Variants in VPS28 observed in about 807,000 individuals in gnomAD.
VPS28 encodes the protein vacuolar protein sorting-associated protein 28 homolog.
Under a neutral mutation model 33.7 loss-of-function variants are expected in VPS28, and 29 were observed. That is an observed-to-expected ratio of 0.86 (90% CI 0.64 to 1.17). The LOEUF is 1.17. Ranked by LOEUF, VPS28 falls within the 50% of genes most tolerant of loss-of-function variation. VPS28 has a pLI of 0.00. For synonymous variants in VPS28, 164 were observed against 116.7 expected, an observed-to-expected ratio of 1.40 and a Z score of -2.61; for missense variants, 247 against 312.2, an observed-to-expected ratio of 0.79 and a Z score of 1.57.
intron 6 of VPS28, 39 bp downstream of exon 6, chr8:144,424,907 C>T (rs1449804988): frequency 1.2e-6 from 2 of 1,607,610 alleles, no homozygotes; most frequent in Non-Finnish European, 8.5e-7. Flanking sequence ...CCATGCCCGA[C>T]AGTCTCGCCC....
chr8:144,426,774 T>G, intron 2 of VPS28, 135 bp downstream of exon 2: 1 of 939,408 alleles, frequency 1.1e-6, no homozygotes, highest in Non-Finnish European at 1.6e-6. Context: ...AATGAACTAT[T>G]TAGCCCCTGG....
chr8:144,424,516 C>T, intron 7 of VPS28: 1 of 786,852 alleles, frequency 1.3e-6, no homozygotes, highest in Non-Finnish European at 2.0e-6. Context: ...GCACCCTGTG[C>T]TCATCCCCCC....
intron 5 of VPS28, 108 bp downstream of exon 5, chr8:144,425,575 C>T (rs1165787758): frequency 2.4e-5 from 29 of 1,206,100 alleles, no homozygotes; most frequent in Non-Finnish European, 3.2e-5. Flanking sequence ...CTGGGTGGGC[C>T]CCACACAAGT....
rs909736389 is a variant in VPS28, at chr8:144,426,014, G to C, written c.104+12C>G. The C allele has an allele frequency of 5.3e-6, 8 of 1,509,112 alleles. No homozygotes were observed. Among genetic ancestry groups the C allele is most frequent in the Non-Finnish European group, 5.4e-6 (6 of 1,120,320 alleles). 93.5% of individuals were successfully genotyped at this position (1,509,112 alleles called of 1,614,324 possible). Reference sequence around the variant, plus strand: ...ATGGGTGTGTTGGGACAGCCTGGGCGCCTGGACTTACTTCTCCCTCTCCCG... The same window carrying C: ...ATGGGTGTGTTGGGACAGCCTGGGCCCCTGGACTTACTTCTCCCTCTCCCG... On this transcript the variant is annotated intron_variant, in intron 4 of 9. Transcript: ENST00000292510.
rs140103128 is a variant in VPS28, at chr8:144,423,853, G to A, written c.618C>T (p.Phe206=). Residue 206 remains phenylalanine (F), a synonymous_variant, in exon 10 of 10, where the codon TTC becomes TTT. Transcript: ENST00000292510. ...LDDSQVRQML[F]DLESAYNAFN... Reference sequence around the variant, plus strand: ...AGGCGTTGTAGGCTGACTCCAGGTCGAACAGCATCTGACGCACCTGTGAGT... The same window carrying A: ...AGGCGTTGTAGGCTGACTCCAGGTCAAACAGCATCTGACGCACCTGTGAGT... 21 of 1,613,040 alleles carry A rather than the reference G, an allele frequency of 1.3e-5. No homozygotes were observed. Among genetic ancestry groups the A allele is most frequent in the Non-Finnish European group, 1.7e-5 (20 of 1,180,056 alleles).
At position 144,424,765 on chromosome 8, in the gene VPS28, T is replaced by G; in HGVS notation, c.355A>C (p.Lys119Gln). 6.2e-7 allele frequency: 1 copy of G among 1,612,704 alleles called. No homozygotes were observed. Among genetic ancestry groups the G allele is most frequent in the Non-Finnish European group, 8.5e-7 (1 of 1,179,890 alleles). Residue 119 changes from lysine (K) to glutamine (Q), a missense_variant, in exon 7 of 10, where the codon AAG (lysine) becomes CAG (glutamine). Around this residue, in one of 3 missense-constraint regions of VPS28, gnomAD observed 149 missense variants for 172.8 expected, o/e 0.86. Coordinates refer to ENST00000292510, the MANE Select transcript of VPS28 (RefSeq NM_016208.4). The stretch of plus-strand genomic sequence containing the variant: ...CGGTTGAGGTTGCCCTTGTCGTCCT[T>G]GATGGTGATGGGCCGGTCCTCCTTG... ...RIKEDRPITIKDDKGNLNRCI... is the reference protein window; with the variant it reads ...RIKEDRPITIQDDKGNLNRCI...
intron 2 of VPS28, 189 bp from the exon 3 acceptor site, chr8:144,426,397 CCT>C (rs1358584604): frequency 1.4e-6 from 1 of 723,568 alleles, no homozygotes; most frequent in African/African-American, 1.8e-5. Flanking sequence ...GATGATAACA[CCT>C]CTGAGAAGCC....
intron 7 of VPS28, chr8:144,424,511 C>T (rs1265400975): frequency 1.5e-5 from 12 of 783,172 alleles, no homozygotes; most frequent in African/African-American, 3.5e-5. Flanking sequence ...AGAACGCACC[C>T]TGTGCTCATC....
chr8:144,426,928 T>C lies in VPS28; in HGVS notation c.18A>G (p.Pro6=). 1.9e-6 allele frequency: 3 copies of C among 1,612,590 alleles called. No individual in the cohort carries two copies. The highest frequency in any genetic ancestry group is 8.5e-7 in the Non-Finnish European group (1 of 1,179,762). MFHGI[P]ATPGIGAPGN... ...ACTCACCTCCTATGCCCGGCGTGGC[T>C]GGGATCCCATGAAACATCCTCTAGG... The change falls in exon 2 of 10, where the codon CCA becomes CCG. Residue 6 remains proline (P), a synonymous_variant. Coordinates refer to ENST00000292510, the MANE Select transcript of VPS28 (RefSeq NM_016208.4).
At chr8:144,426,767 G>A (rs1189129304) in intron 2 of VPS28, 142 bp downstream of exon 2, 4 of 852,290 alleles carry the variant, frequency 4.7e-6, no homozygotes, top group Non-Finnish European at 7.3e-6. Flanking sequence ...CTCCTGCAAT[G>A]AACTATTTAG....
intron 4 of VPS28, 71 bp downstream of exon 4, chr8:144,425,955 T>C: frequency 6.8e-7 from 1 of 1,470,242 alleles, no homozygotes; most frequent in Admixed American, 2.4e-5. Flanking sequence ...TTGGGGTGGG[T>C]CTGGAGGGGC....
chr8:144,426,347 G>A (rs1822742195), intron 2 of VPS28, 139 bp from the exon 3 acceptor site: 2 of 1,202,834 alleles, frequency 1.7e-6, no homozygotes, highest in South Asian at 1.6e-5. Context: ...CTGGAGCACA[G>A]AGGTTCCAAC....
At chr8:144,425,516 C>T (rs1822668575) in intron 5 of VPS28, 167 bp downstream of exon 5, 1 of 677,980 alleles carries the variant, frequency 1.5e-6, no homozygotes, top group African/African-American at 1.8e-5. Context: ...GCCTCCCTCA[C>T]CAGCCCCCAG....
rs1822684946 is a variant in VPS28, at chr8:144,425,732, T to C, written c.145A>G (p.Met49Val). The change falls in exon 5 of 10, where the codon ATG becomes GTG. Residue 49 changes from methionine (M) to valine (V), a missense_variant. Physicochemically the swap from Met to Val is conservative, Grantham distance 21 (BLOSUM62 1). Coordinates refer to ENST00000292510, the MANE Select transcript of VPS28 (RefSeq NM_016208.4). ...ATGTAGGCCTTCTCCAGGGCTTGCA[T>C]TGTCTTCACCACCGCAAACAGCTCT... ...MAELFAVVKT[M>V]QALEKAYIKD... is the part of the protein sequence containing the mutation. The C allele has an allele frequency of 3.1e-6, 5 of 1,613,778 alleles. No homozygotes were observed. Among genetic ancestry groups the C allele is most frequent in the African/African-American group, 1.3e-5 (1 of 74,912 alleles).
chr8:144,426,325 G>A, intron 2 of VPS28, 117 bp from the exon 3 acceptor site: 1 of 1,357,322 alleles, frequency 7.4e-7, no homozygotes, highest in Non-Finnish European at 9.7e-7. Flanking sequence ...GTCCCAAAGA[G>A]CCCAGAGGGA....
chr8:144,424,116 C>G lies in VPS28; in HGVS notation c.473G>C (p.Arg158Pro), dbSNP rs151274166. The G allele has an allele frequency of 6.5e-7, 1 of 1,549,856 alleles. No homozygotes were observed. Among genetic ancestry groups the G allele is most frequent in the Non-Finnish European group, 8.7e-7 (1 of 1,144,518 alleles). ...RAMDEIQPDL[R>P]ELMETMHRMS... ...GCGGTGCATGGTCTCCATCAGCTCT[C>G]GCAGGTCGGGCTGGATCTGAGACAC... The change falls in exon 9 of 10, where the codon CGA becomes CCA. Residue 158 changes from arginine (R) to proline (P), a missense_variant. Arg to Pro is a moderately radical substitution (Grantham distance 103). Around this residue, in one of 3 missense-constraint regions of VPS28, gnomAD observed 95 missense variants for 118.3 expected, o/e 0.80. Coordinates refer to ENST00000292510, the MANE Select transcript of VPS28 (RefSeq NM_016208.4).
intron 1 of VPS28, among the ~76,000 whole-genome samples, chr8:144,428,220 G>A (rs1357753328): frequency 3.3e-5 from 5 of 152,264 alleles, no homozygotes; most frequent in African/African-American, 4.8e-5. Flanking sequence ...AGGCAGGAGA[G>A]CGCCGAGGAG....
chr8:144,424,539 G>C, intron 7 of VPS28, 179 bp downstream of exon 7: 2 of 819,204 alleles, frequency 2.4e-6, no homozygotes, highest in Non-Finnish European at 3.8e-6. Flanking sequence ...CAGGAGTCCA[G>C]GTGGCCTGGG....
At chr8:144,425,386 C>A in intron 5 of VPS28, 3 of 563,230 alleles carry the variant, frequency 5.3e-6, no homozygotes, top group Non-Finnish European at 9.5e-6. Context: ...TTGAACAAAG[C>A]CCCCCCAAAA....
Sources: allele counts gnomAD v4.1 joint callset (sites outside exome capture counted in the v4.1 genomes callset), GRCh38; gene constraint gnomAD v4.1.1; regional missense constraint gnomAD v4.1.1; transcripts MANE v1.5; gene names NCBI Gene and HGNC (gene_info 2026-07-23, HGNC 2026-07-21).